The following SLC5A11 variants were observed in gnomAD, a reference collection of about 807,000 sequenced individuals.
The protein encoded by SLC5A11 is solute carrier family 5 member 11, also known as sodium/myo-inositol cotransporter 2.
SLC5A11 carries 48 observed loss-of-function variants against 69.8 expected under a neutral mutation model. That is an observed-to-expected ratio of 0.69 (90% CI 0.55 to 0.87). SLC5A11 has a LOEUF of 0.87. SLC5A11 is among the 40% of genes least tolerant of loss of function. The probability of loss-of-function intolerance (pLI) is 0.00; values close to 1 mark genes in which losing one functional copy is unlikely to be tolerated. For synonymous variants in SLC5A11, 319 were observed against 342.4 expected (o/e 0.93, Z 0.75); for missense variants, 784 against 866.1 (o/e 0.91, Z 1.19).
chr16:24,873,972 G>A (rs917140473), intron 5 of SLC5A11, among the ~76,000 whole-genome samples: 3 of 151,600 alleles, frequency 2.0e-5, no homozygotes, highest in African/African-American at 7.3e-5. Flanking sequence ...GATTACAGGT[G>A]CACACCACCA....
chr16:24,872,416 C>T (rs2047365084), intron 5 of SLC5A11, among the ~76,000 whole-genome samples, 197 bp downstream of exon 6: 1 of 152,158 alleles, frequency 6.6e-6, no homozygotes, highest in South Asian at 2.1e-4. Context: ...CACTTCCTGC[C>T]AGTACCCAAC....
chr16:24,849,782 CCT>C (rs982819548), intron 1 of SLC5A11, among the ~76,000 whole-genome samples: 6 of 151,184 alleles, frequency 4.0e-5, no homozygotes, highest in African/African-American at 1.5e-4. Flanking sequence ...GGGCATATGC[CCT>C]GTTACCCTGC....
chr16:24,872,928 A>G (rs964976227), intron 5 of SLC5A11, among the ~76,000 whole-genome samples: 1 of 129,188 alleles, frequency 7.7e-6, no homozygotes, highest in African/African-American at 2.9e-5. Flanking sequence ...ACTTGAGCCT[A>G]GGAGTTCGAG....
In SLC5A11 at chr16:24,910,483, T is replaced by C. The variant is rs2050435416; in HGVS notation, c.1822+6T>C. 1.9e-6 allele frequency: 3 copies of C among 1,613,332 alleles called. No homozygotes were observed. Among genetic ancestry groups the C allele is most frequent in the East Asian group, 2.2e-5 (1 of 44,858 alleles). ...CACGTCTAAAACCCACAGCTGTGAG[T>C]AGCTTCTCTCCTCAGTTACAGCAAG... On this transcript the variant is annotated splice_donor_region_variant and intron_variant, in intron 15 of 15. Transcript: ENST00000347898.
chr16:24,866,679 G>A (rs1374848337), intron 3 of SLC5A11, among the ~76,000 whole-genome samples: 1 of 151,094 alleles, frequency 6.6e-6, no homozygotes, highest in Non-Finnish European at 1.5e-5. Flanking sequence ...AAAGTAAAAA[G>A]ATGGAAAAAT....
chr16:24,871,442 C>T (rs1228563248), intron 4 of SLC5A11, among the ~76,000 whole-genome samples: 3 of 151,940 alleles, frequency 2.0e-5, no homozygotes, highest in Non-Finnish European at 4.4e-5. Flanking sequence ...AGCTAATTTT[C>T]ATATTTTTTT....
rs532700303 is a variant in SLC5A11 at position 24,908,614 on chromosome 16, A to G, written c.1435-267A>G. ...CTGTCTCAAAAAAAAAAAAAAAAAA[A>G]AAGCAATGAGAGGTTCTCATGAAAA... On this transcript the variant is annotated intron_variant, in intron 13 of 15. Coordinates refer to ENST00000347898, the Ensembl canonical transcript of SLC5A11. 1.9e-3 allele frequency among the ~76,000 whole-genome samples: 286 copies of G among 151,994 alleles called. 2 individuals carry two copies. The highest frequency in any genetic ancestry group is 3.1e-3 in the Non-Finnish European group (213 of 67,946).
intron 1 of SLC5A11, among the ~76,000 whole-genome samples, chr16:24,849,572 CAAA>C (rs1182615959): frequency 4.3e-3 from 166 of 38,442 alleles, no homozygotes; most frequent in Middle Eastern, 0.02. Context: ...GCCTTGGGGG[CAAA>C]AAAAAAAAAA....
chr16:24,910,959 A>G (rs1362164579), intron 15 of SLC5A11, among the ~76,000 whole-genome samples: 1 of 151,806 alleles, frequency 6.6e-6, no homozygotes, highest in Non-Finnish European at 1.5e-5. Context: ...ACTTGAAATC[A>G]GGAGTTCAAG....
Position 24,907,988 on chromosome 16 carries a change from G to T in SLC5A11, c.1291G>T (p.Val431Phe), listed in dbSNP as rs750861824. Residue 431 changes from valine (V) to phenylalanine (F), a missense_variant, in exon 13 of 16, where the codon GTC becomes TTC. This residue lies in a region of SLC5A11 where 550 missense variants were observed against 606.4 expected (regional missense o/e 0.91). Transcript: ENST00000347898. ...GGTGTTTGTGCTGCTGCTGGTCCTGGTCTCCATCCTCTGGATCCCTGTGGT... is the reference window on the plus strand; with the variant it reads ...GGTGTTTGTGCTGCTGCTGGTCCTGTTCTCCATCCTCTGGATCCCTGTGGT... 40 of 1,614,070 alleles carry T rather than the reference G, an allele frequency of 2.5e-5. No homozygotes were observed. In the East Asian group the frequency reaches 8.7e-4, roughly 35 times the overall value.
intron 3 of SLC5A11, among the ~76,000 whole-genome samples, chr16:24,863,735 A>T (rs1352031286): frequency 2.0e-5 from 3 of 152,180 alleles, no homozygotes; most frequent in African/African-American, 4.8e-5. Context: ...GCATTTATTC[A>T]AGAAAAACAG....
intron 3 of SLC5A11, among the ~76,000 whole-genome samples, chr16:24,864,880 T>TGAA (rs1304973977): frequency 4.0e-5 from 6 of 150,696 alleles, no homozygotes; most frequent in African/African-American, 1.5e-4. Context: ...ACTAGAGGGG[T>TGAA]TCAACAACAG....
exon 14 of SLC5A11, chr16:24,909,037 G>A: frequency 3.7e-6 from 6 of 1,614,086 alleles, no homozygotes; most frequent in Non-Finnish European, 5.1e-6. Context: ...CCTGTCCACG[G>A]TCACCCTCAT....
intron 3 of SLC5A11, among the ~76,000 whole-genome samples, chr16:24,863,957 T>C (rs1726443645): frequency 6.6e-6 from 1 of 152,224 alleles, no homozygotes; most frequent in Non-Finnish European, 1.5e-5. Context: ...TCATCTTTAT[T>C]TGACCTTACG....
intron 11 of SLC5A11, 92 bp from the exon 13 acceptor site, chr16:24,906,933 C>T (rs943606673): frequency 4.6e-5 from 71 of 1,539,208 alleles, no homozygotes; most frequent in Non-Finnish European, 6.0e-5. Flanking sequence ...CCGCCGTCCT[C>T]CCTGAGGTTC....
intron 10 of SLC5A11, among the ~76,000 whole-genome samples, chr16:24,899,747 A>G (rs1376470669): frequency 6.6e-6 from 1 of 151,984 alleles, no homozygotes; most frequent in East Asian, 1.9e-4. Flanking sequence ...TCTGTCACCC[A>G]GGCTGGAGTG....
intron 7 of SLC5A11, among the ~76,000 whole-genome samples, chr16:24,878,989 C>G (rs1460366197): frequency 6.6e-6 from 1 of 152,062 alleles, no homozygotes; most frequent in Non-Finnish European, 1.5e-5. Flanking sequence ...GAGCCAAGAT[C>G]ACACCACTGC....
At chr16:24,849,593 A>AAAAAAAAAAAAATATATAT in intron 1 of SLC5A11, among the ~76,000 whole-genome samples, 2 of 35,910 alleles carry the variant, frequency 5.6e-5, no homozygotes, top group African/African-American at 9.2e-5. Context: ...AAAAAAAAAA[A>AAAAAAAAAAAAATATATAT]ATATATATAT....
intron 10 of SLC5A11, among the ~76,000 whole-genome samples, chr16:24,904,322 C>A (rs375339789): frequency 1.3e-5 from 2 of 152,144 alleles, no homozygotes; most frequent in African/African-American, 4.8e-5. Flanking sequence ...TTTTGAGGAA[C>A]CTCCATAGTT....
Sources: allele counts gnomAD v4.1 joint callset (sites outside exome capture counted in the v4.1 genomes callset), GRCh38; gene constraint gnomAD v4.1.1; regional missense constraint gnomAD v4.1.1; transcripts MANE v1.5; gene names NCBI Gene and HGNC (gene_info 2026-07-23, HGNC 2026-07-21).